The following DDC variants were observed in gnomAD, a reference collection of about 807,000 sequenced individuals.
DDC encodes the protein aromatic-L-amino-acid decarboxylase.
A neutral mutation model predicts 60.0 loss-of-function variants in DDC; 43 were observed. The observed-to-expected ratio is 0.72, with a 90% CI of 0.56 to 0.92. The LOEUF (loss-of-function observed/expected upper bound fraction) is 0.92. DDC is among the 40% of genes least tolerant of loss of function. The pLI, the probability that DDC is intolerant of heterozygous loss-of-function variation, is 0.00. For missense variants in DDC, 573 were observed against 620.2 expected (o/e 0.92, Z 0.81); for synonymous variants, 232 against 234.6 (o/e 0.99, Z 0.10).
rs1224693353 is a variant in DDC, at chr7:50,544,132, T to C, written c.-28-19A>G. On this transcript the variant is annotated intron_variant, in intron 1 of 14. Transcript: ENST00000444124. Reference sequence around the variant, plus strand: ...GTGAAAACTGCAGAAAGAAAATGATTCAGTGAGCAAATTTTGCAACCTCTG... The same window carrying C: ...GTGAAAACTGCAGAAAGAAAATGATCCAGTGAGCAAATTTTGCAACCTCTG... 1 of 1,592,864 alleles carries C rather than the reference T, an allele frequency of 6.3e-7. No individual in the cohort carries two copies. The highest frequency in any genetic ancestry group is 8.6e-7 in the Non-Finnish European group (1 of 1,161,064).
chr7:50,519,360 C>G (rs1318656788), intron 6 of DDC, among the ~76,000 whole-genome samples: 1 of 152,178 alleles, frequency 6.6e-6, no homozygotes, highest in East Asian at 1.9e-4. Flanking sequence ...AAAAGTAGAA[C>G]TACCATTTGA....
chr7:50,466,243 A>G (rs2042392639), intron 13 of DDC, among the ~76,000 whole-genome samples: 1 of 152,180 alleles, frequency 6.6e-6, no homozygotes, highest in African/African-American at 2.4e-5. Flanking sequence ...TAATCCCAGC[A>G]CTTTGAGAGG....
chr7:50,482,259 T>C (rs1299150017), intron 9 of DDC, among the ~76,000 whole-genome samples: 1 of 152,226 alleles, frequency 6.6e-6, no homozygotes, highest in Non-Finnish European at 1.5e-5. Flanking sequence ...CAACCTATAG[T>C]GTTTTACTGG....
chr7:50,538,780 A>G (rs1181608502), intron 3 of DDC, among the ~76,000 whole-genome samples: 1 of 152,246 alleles, frequency 6.6e-6, no homozygotes, highest in Non-Finnish European at 1.5e-5. Flanking sequence ...GTGGGACAGA[A>G]TGGATTTGGA....
chr7:50,552,982 G>T (rs931419172), intron 1 of DDC, among the ~76,000 whole-genome samples: 1 of 152,162 alleles, frequency 6.6e-6, no homozygotes, highest in Non-Finnish European at 1.5e-5. Flanking sequence ...TCCATGTTCA[G>T]CACTTGACTA....
intron 1 of DDC, among the ~76,000 whole-genome samples, chr7:50,549,239 T>C (rs1253419378): frequency 6.6e-6 from 1 of 152,236 alleles, no homozygotes; most frequent in Non-Finnish European, 1.5e-5. Flanking sequence ...GACTTTCAAG[T>C]CTTATTAAGA....
chr7:50,548,581 A>T (rs150940990), intron 1 of DDC, among the ~76,000 whole-genome samples: 2 of 152,318 alleles, frequency 1.3e-5, no homozygotes, highest in African/African-American at 2.4e-5. Flanking sequence ...AGACTGAAAG[A>T]GGTGAGAAAG....
intron 14 of DDC, among the ~76,000 whole-genome samples, chr7:50,460,999 T>A (rs941510736): frequency 6.6e-6 from 1 of 150,422 alleles, no homozygotes; most frequent in East Asian, 1.9e-4. Flanking sequence ...TATTGTCCTA[T>A]GACCCTGCCA....
intron 11 of DDC, among the ~76,000 whole-genome samples, chr7:50,473,306 A>T (rs1336995261): frequency 6.6e-6 from 1 of 151,490 alleles, no homozygotes; most frequent in Non-Finnish European, 1.5e-5. Flanking sequence ...CTGCTCCCAT[A>T]CTCACACCCG....
At chr7:50,555,022 G>T (rs537496437) in intron 1 of DDC, among the ~76,000 whole-genome samples, 2 of 152,110 alleles carry the variant, frequency 1.3e-5, no homozygotes, top group African/African-American at 4.8e-5. Flanking sequence ...AACCTCTATG[G>T]CCAATATGAT....
At chr7:50,506,557 C>T (rs942487768) in intron 6 of DDC, among the ~76,000 whole-genome samples, 1 of 152,126 alleles carries the variant, frequency 6.6e-6, no homozygotes, top group African/African-American at 2.4e-5. Context: ...CTCTAGGAAA[C>T]CCCTCTCCCT....
chr7:50,515,179 A>G (rs2043693672), intron 6 of DDC, among the ~76,000 whole-genome samples: 1 of 152,234 alleles, frequency 6.6e-6, no homozygotes, highest in Admixed American at 6.5e-5. Context: ...GTTACCTACA[A>G]AGAAAACCTA....
chr7:50,510,259 G>A (rs2043516027), intron 6 of DDC, among the ~76,000 whole-genome samples: 2 of 152,066 alleles, frequency 1.3e-5, no homozygotes, highest in South Asian at 4.1e-4. Flanking sequence ...ACAGGTGTGA[G>A]CCACCGCACC....
At chr7:50,507,287 G>C (rs1040769212) in intron 6 of DDC, among the ~76,000 whole-genome samples, 3 of 151,960 alleles carry the variant, frequency 2.0e-5, no homozygotes, top group Non-Finnish European at 4.4e-5. Flanking sequence ...GTCGAGGCTG[G>C]AGTGCAGTGG....
At chr7:50,558,908 G>A (rs765732241) in intron 1 of DDC, among the ~76,000 whole-genome samples, 10 of 152,162 alleles carry the variant, frequency 6.6e-5, no homozygotes, top group Non-Finnish European at 1.3e-4. Context: ...ATGTGGCTTC[G>A]GGTGGGAGTG....
chr7:50,539,674 G>A (rs767540010), intron 3 of DDC, among the ~76,000 whole-genome samples: 1 of 152,202 alleles, frequency 6.6e-6, no homozygotes, highest in Non-Finnish European at 1.5e-5. Context: ...CATACCAAGT[G>A]CTTCCAACAC....
chr7:50,547,679 G>A (rs74963213), intron 1 of DDC, among the ~76,000 whole-genome samples: 2,730 of 152,190 alleles, frequency 0.018, 168 homozygotes, highest in Admixed American at 0.11. Context: ...CTCCGAGACC[G>A]AGAGCCAAAG....
At position 50,565,341 on chromosome 7, in the gene DDC, T is replaced by G. The variant is rs2045403146; in HGVS notation, c.-85A>C. The G allele has an allele frequency of 6.6e-6, 1 of 152,178 alleles. No individual in the cohort carries two copies. Among genetic ancestry groups the G allele is most frequent in the Non-Finnish European group, 1.5e-5 (1 of 68,028 alleles). 9.4% of individuals were successfully genotyped at this position (152,178 alleles called of 1,614,324 possible). A position where few individuals can be genotyped will look rare whatever the true frequency, so the allele number is the denominator to read the frequency against. On this transcript the variant is annotated 5_prime_UTR_variant, in exon 1 of 15. Coordinates refer to ENST00000444124, the MANE Select transcript of DDC (RefSeq NM_001082971.2). ...CTCTCCTTGATGGGATTCTCCAACT[T>G]TGGGGACTGAAGAGCATGTGGAGAA...
intron 1 of DDC, among the ~76,000 whole-genome samples, chr7:50,557,270 C>T (rs927255801): frequency 5.3e-5 from 8 of 152,150 alleles, no homozygotes; most frequent in Non-Finnish European, 1.0e-4. Context: ...AACAATTATC[C>T]GTGGAAAGGA....
Sources: gnomAD v4.1 joint callset for allele counts (sites outside exome capture counted in the v4.1 genomes callset) on GRCh38, gnomAD v4.1.1 for gene constraint, MANE v1.5 for transcripts, NCBI Gene and HGNC (gene_info 2026-07-23, HGNC 2026-07-21) for gene names.